The following SMAGP variants were observed in gnomAD, a reference collection of about 807,000 sequenced individuals.
SMAGP encodes small cell adhesion glycoprotein.
In SMAGP, 7 loss-of-function variants were observed where a neutral mutation model predicts 10.1. The observed-to-expected ratio is 0.70, with a 90% CI of 0.40 to 1.31. The LOEUF (loss-of-function observed/expected upper bound fraction) is 1.31. Ranked by LOEUF, SMAGP falls within the 50% of genes most tolerant of loss-of-function variation. The pLI is 0.01. For synonymous variants in SMAGP, 49 were observed against 47.2 expected (o/e 1.04, Z -0.16); for missense variants, 113 against 116.5 (o/e 0.97, Z 0.14).
In SMAGP at chr12:51,246,790, G is replaced by T. The variant is rs764346286; in HGVS notation, c.76C>A (p.Leu26Met). The change falls in exon 3 of 4, where the codon CTG (leucine) becomes ATG (methionine). Residue 26 changes from leucine to methionine, a missense_variant. By Grantham distance (15) the Leu-to-Met change is conservative (BLOSUM62 2). Transcript: ENST00000603798. ...TTPILQPTEA[L>M]SPEDGASTAL... is the part of the protein sequence containing the mutation. ...GTGCTGGCTCCATCTTCTGGGGACA[G>T]GGCCTCAGTGGGCTGTAAAATTGGG... The T allele has an allele frequency of 6.3e-7, 1 of 1,583,694 alleles. No homozygotes were observed. Among genetic ancestry groups the T allele is most frequent in the African/African-American group, 1.3e-5 (1 of 74,082 alleles).
At chr12:51,252,143 G>T (rs1944844955) in intron 2 of SMAGP, among the ~76,000 whole-genome samples, 1 of 151,772 alleles carries the variant, frequency 6.6e-6, no homozygotes. Context: ...ACCCAGGCTG[G>T]AGTGCAGTGG....
At chr12:51,252,514 C>T (rs1230922531) in intron 2 of SMAGP, among the ~76,000 whole-genome samples, 1 of 152,082 alleles carries the variant, frequency 6.6e-6, no homozygotes, top group African/African-American at 2.4e-5. Context: ...GCCTCAGCCT[C>T]CCAAGTAGCT....
intron 2 of SMAGP, among the ~76,000 whole-genome samples, chr12:51,253,055 G>A (rs895014022): frequency 6.6e-6 from 1 of 152,086 alleles, no homozygotes; most frequent in Non-Finnish European, 1.5e-5. Context: ...GAAGGAAGGT[G>A]GAGTCCATAA....
intron 2 of SMAGP, among the ~76,000 whole-genome samples, chr12:51,267,476 C>G (rs1466749073): frequency 6.9e-5 from 9 of 130,790 alleles, no homozygotes; most frequent in East Asian, 2.4e-4. Flanking sequence ...TCCCCCCCCC[C>G]ACTCCGTGTC....
chr12:51,255,864 C>T (rs752833589), intron 2 of SMAGP, among the ~76,000 whole-genome samples: 14 of 152,198 alleles, frequency 9.2e-5, no homozygotes, highest in East Asian at 5.8e-4. Context: ...CTCCGCCTCC[C>T]GGGTTCACGC....
intron 2 of SMAGP, among the ~76,000 whole-genome samples, chr12:51,264,091 G>A (rs1368597005): frequency 1.3e-5 from 2 of 152,078 alleles, no homozygotes; most frequent in Non-Finnish European, 2.9e-5. Context: ...GTTCCTGGAG[G>A]ATATCTTCTC....
intron 2 of SMAGP, among the ~76,000 whole-genome samples, chr12:51,259,091 G>A (rs561130182): frequency 3.3e-5 from 5 of 151,326 alleles, no homozygotes; most frequent in Admixed American, 6.6e-5. Flanking sequence ...CCATGTTTGC[G>A]CCACTGCATG....
rs1489557445 is a variant in SMAGP, at chr12:51,246,742, G to A, written c.115+9C>T. ...GAAGGTCCCTTGGAGTTGGCTCAGA[G>A]TCTATTACCTGCAATGAGTGCTGTG... is the stretch of plus-strand genomic sequence containing the variant. On this transcript the variant is annotated intron_variant, in intron 3 of 3. Transcript: ENST00000603798. 5 of 1,568,336 alleles carry A rather than the reference G, an allele frequency of 3.2e-6. No homozygotes were observed. Among genetic ancestry groups the A allele is most frequent in the Non-Finnish European group, 4.3e-6 (5 of 1,157,820 alleles).
intron 2 of SMAGP, among the ~76,000 whole-genome samples, chr12:51,268,692 C>T (rs1394352483): frequency 6.6e-6 from 1 of 151,344 alleles, no homozygotes; most frequent in Non-Finnish European, 1.5e-5. Flanking sequence ...CAAGCGATTC[C>T]CATGCCTCAG....
chr12:51,260,352 C>T (rs1312038151), intron 2 of SMAGP, among the ~76,000 whole-genome samples: 6 of 151,490 alleles, frequency 4.0e-5, no homozygotes, highest in African/African-American at 1.2e-4. Context: ...CCAGCACAGC[C>T]GGCTGATTGT....
Position 51,270,399 on chromosome 12 carries a change from G to C in SMAGP, c.-182C>G, listed in dbSNP as rs1212127492. On this transcript the variant is annotated 5_prime_UTR_variant, in exon 1 of 4. Transcript: ENST00000603798. ...GAGCGGAGGAAGCCGCGGGTGGCGC[G>C]CGGGGTTGGCGCAGAGGCCGGAGGG... 2 of 232,472 alleles carry C rather than the reference G, an allele frequency of 8.6e-6. No individual in the cohort carries two copies. Among genetic ancestry groups the C allele is most frequent in the Middle Eastern group, 1.3e-3 (1 of 746 alleles). The allele number at this position is 232,472 out of a possible 1,614,324, so 14.4% of individuals were successfully genotyped here.
At chr12:51,265,916 A>G (rs1258992405) in intron 2 of SMAGP, among the ~76,000 whole-genome samples, 1 of 152,164 alleles carries the variant, frequency 6.6e-6, no homozygotes, top group East Asian at 1.9e-4. Flanking sequence ...CCCCGTCTCT[A>G]CTAAAAATAC....
intron 2 of SMAGP, among the ~76,000 whole-genome samples, chr12:51,268,750 A>AT (rs1323857596): frequency 6.6e-6 from 1 of 151,686 alleles, no homozygotes; most frequent in African/African-American, 2.4e-5. Flanking sequence ...CGCCTGGCTA[A>AT]TTTTTTTGTA....
chr12:51,256,092 A>G (rs548778857), intron 2 of SMAGP, among the ~76,000 whole-genome samples: 1 of 152,258 alleles, frequency 6.6e-6, no homozygotes, highest in South Asian at 2.1e-4. Flanking sequence ...TTTCCACGAC[A>G]GCATTGATTG....
At chr12:51,252,583 G>C (rs943815486) in intron 2 of SMAGP, among the ~76,000 whole-genome samples, 2 of 152,088 alleles carry the variant, frequency 1.3e-5, no homozygotes, top group Non-Finnish European at 2.9e-5. Context: ...AGTAGAGACA[G>C]TTTTGCCATG....
chr12:51,261,327 C>T (rs560515011), intron 2 of SMAGP, among the ~76,000 whole-genome samples: 6 of 151,780 alleles, frequency 4.0e-5, no homozygotes, highest in Admixed American at 3.3e-4. Flanking sequence ...GAACTCTTGA[C>T]CTTGTGATTT....
In SMAGP at chr12:51,246,947, T is replaced by C. The variant is rs908420581; in HGVS notation, c.35-116A>G. The C allele has an allele frequency of 6.2e-6, 4 of 645,898 alleles. No homozygotes were observed. In the South Asian group the frequency reaches 7.0e-5, roughly 11 times the overall value. The allele number at this position is 645,898 out of a possible 1,614,324, so 40.0% of individuals were successfully genotyped here. On this transcript the variant is annotated intron_variant, in intron 2 of 3. Coordinates refer to ENST00000603798, the MANE Select transcript of SMAGP (RefSeq NM_001031628.2). The stretch of plus-strand genomic sequence containing the variant: ...TCTTCCCTATTCAAAAGTTTATCAT[T>C]TAACTCCTAGAGTATATCCAAATAG...
intron 1 of SMAGP, 110 bp from the exon 2 acceptor site, chr12:51,269,426 CT>C: frequency 1.3e-6 from 1 of 787,300 alleles, no homozygotes; most frequent in Non-Finnish European, 2.1e-6. Context: ...GTCCCTTCCC[CT>C]TTTTCTCTTG....
chr12:51,248,434 A>ACACACTCTCACTCTCTCTCTCTCT (rs1188710796), intron 2 of SMAGP, among the ~76,000 whole-genome samples: 9 of 77,564 alleles, frequency 1.2e-4, no homozygotes, highest in African/African-American at 4.6e-4. Flanking sequence ...ACACACACAC[A>ACACACTCTCACTCTCTCTCTCTCT]CTCTCTCTCT....
Sources: gnomAD v4.1 joint callset for allele counts (sites outside exome capture counted in the v4.1 genomes callset) on GRCh38, gnomAD v4.1.1 for gene constraint, MANE v1.5 for transcripts, NCBI Gene and HGNC (gene_info 2026-07-23, HGNC 2026-07-21) for gene names.